The following PTPRD variants were observed in gnomAD, a reference collection of about 807,000 sequenced individuals.
PTPRD encodes the protein receptor-type tyrosine-protein phosphatase delta.
PTPRD carries 34 observed loss-of-function variants against 214.5 expected under a neutral mutation model. The ratio of observed to expected loss-of-function variants is 0.16; its 90% confidence interval spans 0.12 to 0.21. The LOEUF is 0.21. Ranked by LOEUF, PTPRD falls within the 10% of genes least tolerant of loss-of-function variation. PTPRD has a pLI of 1.00. For missense variants in PTPRD, 2,545 were observed against 2,398.7 expected (o/e 1.06, Z -1.27); for synonymous variants, 1,128 against 845.7 (o/e 1.33, Z -5.79).
intron 11 of PTPRD, among the ~76,000 whole-genome samples, chr9:8,994,766 G>C (rs1295761338): frequency 6.6e-6 from 1 of 152,004 alleles, no homozygotes; most frequent in African/African-American, 2.4e-5. Flanking sequence ...AATATTGGGA[G>C]ATAAATTTGG....
chr9:10,166,222 T>C (rs982101148), intron 3 of PTPRD, among the ~76,000 whole-genome samples: 3 of 133,384 alleles, frequency 2.2e-5, no homozygotes, highest in Non-Finnish European at 4.8e-5. Context: ...AGATACCTAG[T>C]AATAAAGGGA....
chr9:10,108,177 T>C (rs948899789), intron 3 of PTPRD, among the ~76,000 whole-genome samples: 2 of 152,108 alleles, frequency 1.3e-5, no homozygotes, highest in African/African-American at 4.8e-5. Flanking sequence ...TTTTCTTTTG[T>C]CTTTATTTTT....
chr9:9,594,024 C>A (rs1319913898), intron 7 of PTPRD, among the ~76,000 whole-genome samples: 1 of 151,986 alleles, frequency 6.6e-6, no homozygotes, highest in Non-Finnish European at 1.5e-5. Context: ...TGTATGTGGA[C>A]AATGGACGAT....
chr9:9,673,161 C>T (rs961203699), intron 7 of PTPRD, among the ~76,000 whole-genome samples: 4 of 151,912 alleles, frequency 2.6e-5, no homozygotes, highest in African/African-American at 9.7e-5. Context: ...CACACATTTT[C>T]AAAATCCTGT....
intron 11 of PTPRD, among the ~76,000 whole-genome samples, chr9:8,938,359 G>A (rs1006508153): frequency 5.9e-5 from 9 of 152,006 alleles, no homozygotes. Flanking sequence ...ACACAGCTAC[G>A]GTTTCTGAGC....
chr9:10,141,202 G>A (rs1431148972), intron 3 of PTPRD, among the ~76,000 whole-genome samples: 1 of 152,060 alleles, frequency 6.6e-6, no homozygotes, highest in Admixed American at 6.6e-5. Context: ...AGACAGGGAT[G>A]CCCTCTCTCA....
intron 9 of PTPRD, among the ~76,000 whole-genome samples, chr9:9,309,956 T>A (rs1958401648): frequency 6.6e-6 from 1 of 152,172 alleles, no homozygotes; most frequent in African/African-American, 2.4e-5. Flanking sequence ...AAGATTTTTT[T>A]TTCCCTTACA....
chr9:9,130,817 G>A (rs1443524821), intron 10 of PTPRD, among the ~76,000 whole-genome samples: 1 of 152,106 alleles, frequency 6.6e-6, no homozygotes, highest in Non-Finnish European at 1.5e-5. Flanking sequence ...GCTGGCCTCA[G>A]GGGTACCAGT....
At chr9:10,010,352 T>C (rs2096570645) in intron 4 of PTPRD, among the ~76,000 whole-genome samples, 1 of 108,572 alleles carries the variant, frequency 9.2e-6, no homozygotes, top group African/African-American at 2.5e-5. Context: ...CATGTGCGTT[T>C]ATATAATTGC....
chr9:10,134,661 T>C (rs2154261319), intron 3 of PTPRD, among the ~76,000 whole-genome samples: 1 of 152,192 alleles, frequency 6.6e-6, no homozygotes, highest in East Asian at 1.9e-4. Flanking sequence ...TCGTGTATAT[T>C]CAACTTACAC....
intron 3 of PTPRD, among the ~76,000 whole-genome samples, chr9:10,229,108 T>A (rs551559194): frequency 1.3e-5 from 2 of 151,976 alleles, no homozygotes; most frequent in East Asian, 1.9e-4. Flanking sequence ...AAAATGCTCA[T>A]CATCACTGGC....
At chr9:9,816,909 AG>A (rs2048960523) in intron 5 of PTPRD, among the ~76,000 whole-genome samples, 1 of 116,258 alleles carries the variant, frequency 8.6e-6, no homozygotes, top group African/African-American at 5.0e-5. Context: ...ATAATAATAA[AG>A]AAAAAAAAGT....
At chr9:8,437,009 T>G (rs1321777964) in intron 34 of PTPRD, among the ~76,000 whole-genome samples, 1 of 152,198 alleles carries the variant, frequency 6.6e-6, no homozygotes, top group African/African-American at 2.4e-5. Context: ...GATGTCAACT[T>G]CTGCTTTGAG....
At chr9:8,758,077 CT>C (rs2094145594) in intron 11 of PTPRD, among the ~76,000 whole-genome samples, 1 of 152,204 alleles carries the variant, frequency 6.6e-6, no homozygotes, top group Non-Finnish European at 1.5e-5. Context: ...GAAATAATGG[CT>C]GCCTCCAGCC....
At chr9:9,944,026 C>G (rs1356474051) in intron 4 of PTPRD, among the ~76,000 whole-genome samples, 1 of 152,114 alleles carries the variant, frequency 6.6e-6, no homozygotes, top group Non-Finnish European at 1.5e-5. Flanking sequence ...TTGGAAAACT[C>G]AAGGCTTTAG....
chr9:10,169,430 C>G (rs1439381342), intron 3 of PTPRD, among the ~76,000 whole-genome samples: 1 of 141,686 alleles, frequency 7.1e-6, no homozygotes, highest in Non-Finnish European at 1.5e-5. Context: ...GCAGAGATCG[C>G]GCCACTGCAC....
chr9:8,608,455 C>T (rs1056197736), intron 14 of PTPRD, among the ~76,000 whole-genome samples: 4 of 152,028 alleles, frequency 2.6e-5, no homozygotes, highest in African/African-American at 9.7e-5. Flanking sequence ...TATATTTTAG[C>T]GCTCCCTGTT....
At chr9:9,335,093 T>G (rs1306928499) in intron 9 of PTPRD, among the ~76,000 whole-genome samples, 1 of 152,084 alleles carries the variant, frequency 6.6e-6, no homozygotes, top group Non-Finnish European at 1.5e-5. Context: ...AATATTAATA[T>G]TCTCCAACTG....
At chr9:8,952,827 A>C (rs2099110224) in intron 11 of PTPRD, among the ~76,000 whole-genome samples, 2 of 151,822 alleles carry the variant, frequency 1.3e-5, no homozygotes. Flanking sequence ...CAGTTGAAGA[A>C]TTTTTTTTGC....
Sources: allele counts gnomAD v4.1 joint callset (sites outside exome capture counted in the v4.1 genomes callset), GRCh38; gene constraint gnomAD v4.1.1; transcripts MANE v1.5; gene names NCBI Gene and HGNC (gene_info 2026-07-23, HGNC 2026-07-21).